Variants in HCN1 observed in about 807,000 individuals in gnomAD.
The protein encoded by HCN1 is potassium/sodium hyperpolarization-activated cyclic nucleotide-gated channel 1.
In HCN1, 13 loss-of-function variants were observed where a neutral mutation model predicts 78.9. That is an observed-to-expected ratio of 0.16 (90% confidence interval 0.11 to 0.26). HCN1 has a LOEUF of 0.26. Ranked by LOEUF, HCN1 falls within the 10% of genes least tolerant of loss-of-function variation. The pLI, the probability that HCN1 is intolerant of heterozygous loss-of-function variation, is 1.00. For missense variants in HCN1, 810 were observed against 1,154.3 expected (o/e 0.70, Z 4.32); for synonymous variants, 552 against 455.5 (o/e 1.21, Z -2.70).
chr5:45,530,481 T>C (rs1742820260), intron 2 of HCN1, among the ~76,000 whole-genome samples: 2 of 151,074 alleles, frequency 1.3e-5, no homozygotes, highest in Admixed American at 6.6e-5. Context: ...GTGGCAAAAC[T>C]ATTGGCTATT....
At chr5:45,409,446 G>A (rs977144296) in intron 3 of HCN1, among the ~76,000 whole-genome samples, 2 of 151,992 alleles carry the variant, frequency 1.3e-5, no homozygotes, top group African/African-American at 4.8e-5. Context: ...AGCAGCTTAC[G>A]TAGTAATTGG....
intron 1 of HCN1, among the ~76,000 whole-genome samples, chr5:45,692,121 C>A (rs1011918798): frequency 1.3e-5 from 2 of 152,100 alleles, no homozygotes; most frequent in Admixed American, 6.6e-5. Flanking sequence ...CCTAAAATGG[C>A]AAATAGTCTG....
chr5:45,692,578 C>T (rs1176709483), intron 1 of HCN1, among the ~76,000 whole-genome samples: 1 of 152,174 alleles, frequency 6.6e-6, no homozygotes, highest in Non-Finnish European at 1.5e-5. Context: ...CTGCTTTTTA[C>T]TCTCTGAAGG....
At chr5:45,537,288 T>C (rs1332428602) in intron 2 of HCN1, among the ~76,000 whole-genome samples, 3 of 152,134 alleles carry the variant, frequency 2.0e-5, no homozygotes, top group Non-Finnish European at 4.4e-5. Flanking sequence ...GTTTATATGA[T>C]AGTTATCTGC....
intron 2 of HCN1, among the ~76,000 whole-genome samples, chr5:45,625,420 A>C (rs528301834): frequency 1.3e-5 from 2 of 152,256 alleles, no homozygotes; most frequent in East Asian, 3.9e-4. Context: ...AGGGCACCCC[A>C]GTCCCCAGGC....
At chr5:45,302,837 G>T (rs1041891230) in intron 6 of HCN1, among the ~76,000 whole-genome samples, 8 of 151,886 alleles carry the variant, frequency 5.3e-5, no homozygotes, top group Admixed American at 3.3e-4. Flanking sequence ...TTCATCAGGG[G>T]TTTCTGCTTT....
chr5:45,370,854 G>C (rs1183619792), intron 4 of HCN1, among the ~76,000 whole-genome samples: 1 of 152,034 alleles, frequency 6.6e-6, no homozygotes, highest in Non-Finnish European at 1.5e-5. Flanking sequence ...AGAAGTAATG[G>C]CAGTATAGTG....
intron 4 of HCN1, among the ~76,000 whole-genome samples, chr5:45,373,663 G>T (rs1321418853): frequency 8.5e-6 from 1 of 118,098 alleles, no homozygotes; most frequent in Non-Finnish European, 1.7e-5. Flanking sequence ...ATTACATACG[G>T]TATATACGTC....
At chr5:45,555,147 C>G in intron 2 of HCN1, among the ~76,000 whole-genome samples, 1 of 151,792 alleles carries the variant, frequency 6.6e-6, no homozygotes, top group East Asian at 1.9e-4. Flanking sequence ...TTGGAGAAAC[C>G]TAAAGACTCC....
At chr5:45,552,118 A>T (rs1321942371) in intron 2 of HCN1, among the ~76,000 whole-genome samples, 2 of 151,878 alleles carry the variant, frequency 1.3e-5, no homozygotes, top group Non-Finnish European at 2.9e-5. Flanking sequence ...TCATCCTCAA[A>T]TTTTGCATCT....
At chr5:45,590,945 C>T (rs1224368175) in intron 2 of HCN1, among the ~76,000 whole-genome samples, 1 of 152,106 alleles carries the variant, frequency 6.6e-6, no homozygotes, top group African/African-American at 2.4e-5. Flanking sequence ...AATCCTCCCA[C>T]CTCAGTCTCT....
chr5:45,287,481 A>C (rs1745291137), intron 6 of HCN1, among the ~76,000 whole-genome samples: 1 of 152,106 alleles, frequency 6.6e-6, no homozygotes, highest in African/African-American at 2.4e-5. Context: ...AATATAGCTG[A>C]GTTATGTAAT....
intron 2 of HCN1, among the ~76,000 whole-genome samples, chr5:45,494,833 T>C (rs1043035271): frequency 3.3e-5 from 5 of 152,114 alleles, no homozygotes; most frequent in East Asian, 1.9e-4. Context: ...GCCAGTTTTC[T>C]CAGCACCATT....
At chr5:45,336,695 A>G (rs1746463570) in intron 5 of HCN1, among the ~76,000 whole-genome samples, 1 of 152,066 alleles carries the variant, frequency 6.6e-6, no homozygotes, top group Admixed American at 6.6e-5. Context: ...TATGAATAAA[A>G]AAAAATTATT....
intron 4 of HCN1, among the ~76,000 whole-genome samples, chr5:45,390,602 T>C (rs984601965): frequency 6.6e-6 from 1 of 152,174 alleles, no homozygotes; most frequent in African/African-American, 2.4e-5. Flanking sequence ...AATATACATG[T>C]AGGGCATTCC....
chr5:45,319,065 T>C (rs1174278570), intron 5 of HCN1, among the ~76,000 whole-genome samples: 4 of 152,012 alleles, frequency 2.6e-5, no homozygotes, highest in Non-Finnish European at 4.4e-5. Context: ...TTTATGGTTA[T>C]ACTACAATTT....
intron 2 of HCN1, among the ~76,000 whole-genome samples, chr5:45,477,238 A>G (rs1741540236): frequency 6.6e-6 from 1 of 152,142 alleles, no homozygotes; most frequent in Admixed American, 6.6e-5. Context: ...ATAGAGGTGA[A>G]GGGTAGACTA....
At chr5:45,677,854 A>G (rs890526250) in intron 1 of HCN1, among the ~76,000 whole-genome samples, 1 of 151,930 alleles carries the variant, frequency 6.6e-6, no homozygotes, top group African/African-American at 2.4e-5. Context: ...GAAAGAATTT[A>G]CATTTAAATT....
chr5:45,608,602 T>C (rs1439540019), intron 2 of HCN1, among the ~76,000 whole-genome samples: 1 of 151,950 alleles, frequency 6.6e-6, no homozygotes, highest in African/African-American at 2.4e-5. Context: ...AAAATTAAGA[T>C]ATGCATTTAA....
Sources: gnomAD v4.1 joint callset for allele counts (sites outside exome capture counted in the v4.1 genomes callset) on GRCh38, gnomAD v4.1.1 for gene constraint, MANE v1.5 for transcripts, NCBI Gene and HGNC (gene_info 2026-07-23, HGNC 2026-07-21) for gene names.